Variants in CFAP95 observed in about 807,000 individuals in gnomAD.
The protein encoded by CFAP95 is cilia- and flagella-associated protein 95.
At chr9:69,827,537 T>G in the CFAP95 span, among the ~76,000 whole-genome samples, 11 of 152,290 alleles carry the variant, frequency 7.2e-5, no homozygotes, top group African/African-American at 2.6e-4. Context: ...CACCTTCTCC[T>G]TCCCCCACTA....
At chr9:69,871,211 C>A in the CFAP95 span, among the ~76,000 whole-genome samples, 244 of 151,876 alleles carry the variant, frequency 1.6e-3, 4 homozygotes, top group Middle Eastern at 6.8e-3. Context: ...GAGGGAGACT[C>A]TGTCTCAAAT....
the CFAP95 span, among the ~76,000 whole-genome samples, chr9:69,896,070 A>G: frequency 2.0e-5 from 3 of 152,242 alleles, no homozygotes; most frequent in African/African-American, 7.2e-5. Flanking sequence ...CAGTTTCTAC[A>G]GTGAACATAT....
the CFAP95 span, among the ~76,000 whole-genome samples, chr9:69,892,094 C>T: frequency 5.3e-5 from 8 of 152,128 alleles, no homozygotes; most frequent in Non-Finnish European, 8.8e-5. Context: ...ATATGCATAA[C>T]ATAAAATATA....
chr9:69,884,074 T>C, the CFAP95 span, among the ~76,000 whole-genome samples: 1 of 152,168 alleles, frequency 6.6e-6, no homozygotes, highest in Non-Finnish European at 1.5e-5. Flanking sequence ...ATCCTTTAAG[T>C]TTTGGTATGT....
At chr9:69,897,529 A>G in the CFAP95 span, among the ~76,000 whole-genome samples, 184 of 152,350 alleles carry the variant, frequency 1.2e-3, no homozygotes, top group African/African-American at 4.3e-3. Context: ...TTGAAAAATA[A>G]AACTATCAGA....
the CFAP95 span, among the ~76,000 whole-genome samples, chr9:69,873,526 G>A: frequency 0.037 from 5,561 of 152,242 alleles, 137 homozygotes; most frequent in East Asian, 0.095. Flanking sequence ...AATGCACCCC[G>A]TCACCTCAAC....
At chr9:69,894,880 G>A in the CFAP95 span, among the ~76,000 whole-genome samples, 2 of 152,052 alleles carry the variant, frequency 1.3e-5, no homozygotes, top group African/African-American at 4.8e-5. Flanking sequence ...TGGTCAACAT[G>A]GTGAAACACC....
chr9:69,872,766 A>G, the CFAP95 span, among the ~76,000 whole-genome samples: 1 of 152,106 alleles, frequency 6.6e-6, no homozygotes, highest in Non-Finnish European at 1.5e-5. Flanking sequence ...GGGAGGATCA[A>G]TTGAGCCTAG....
the CFAP95 span, among the ~76,000 whole-genome samples, chr9:69,867,579 T>A: frequency 2.0e-5 from 3 of 152,226 alleles, no homozygotes; most frequent in African/African-American, 7.2e-5. Context: ...AGGCTGAGGT[T>A]ATTTGCCTGC....
the CFAP95 span, among the ~76,000 whole-genome samples, chr9:69,861,749 A>AAAG: frequency 6.7e-6 from 1 of 148,346 alleles, no homozygotes; most frequent in Non-Finnish European, 1.5e-5. Context: ...AAAAAAAAAA[A>AAAG]AAAACACAAC....
the CFAP95 span, among the ~76,000 whole-genome samples, chr9:69,849,007 A>G: frequency 2.0e-5 from 3 of 152,170 alleles, no homozygotes; most frequent in East Asian, 1.9e-4. Flanking sequence ...GTACCTACTT[A>G]TAAGTCCCAC....
At chr9:69,882,312 A>G in the CFAP95 span, among the ~76,000 whole-genome samples, 35 of 152,280 alleles carry the variant, frequency 2.3e-4, 1 homozygote, top group South Asian at 7.1e-3. Flanking sequence ...GTGTCCTGCA[A>G]CTTTACTGAA....
At chr9:69,835,139 T>C in the CFAP95 span, among the ~76,000 whole-genome samples, 1 of 152,234 alleles carries the variant, frequency 6.6e-6, no homozygotes, top group Non-Finnish European at 1.5e-5. Context: ...ATAGGAAAGG[T>C]ATCTTTTGCT....
the CFAP95 span, among the ~76,000 whole-genome samples, chr9:69,901,430 CCCGG>C: frequency 6.6e-6 from 1 of 152,114 alleles, no homozygotes; most frequent in African/African-American, 2.4e-5. Flanking sequence ...AGCCACCGCG[CCCGG>C]CCGGTGTTTG....
chr9:69,875,348 T>A, the CFAP95 span, among the ~76,000 whole-genome samples: 1 of 152,194 alleles, frequency 6.6e-6, no homozygotes, highest in South Asian at 2.1e-4. Flanking sequence ...TAACTGAATG[T>A]TTTAATCTTT....
At chr9:69,882,082 A>G in the CFAP95 span, among the ~76,000 whole-genome samples, 1 of 151,594 alleles carries the variant, frequency 6.6e-6, no homozygotes, top group Non-Finnish European at 1.5e-5. Flanking sequence ...TCCCAAGTTC[A>G]AGCAATTCTC....
At chr9:69,857,771 TC>T in the CFAP95 span, 1 of 646,200 alleles carries the variant, frequency 1.5e-6, no homozygotes, top group East Asian at 2.9e-5. Context: ...CAGGCAATCC[TC>T]CCGTCTCGGC....
the CFAP95 span, among the ~76,000 whole-genome samples, chr9:69,839,764 C>T: frequency 2.6e-5 from 4 of 151,550 alleles, no homozygotes; most frequent in African/African-American, 9.7e-5. Context: ...AATACATGTA[C>T]ATATTCTGGA....
the CFAP95 span, among the ~76,000 whole-genome samples, chr9:69,852,592 T>C: frequency 1.3e-5 from 2 of 152,100 alleles, no homozygotes; most frequent in African/African-American, 2.4e-5. Flanking sequence ...GGGAACTTGA[T>C]GCACTGGGGT....
Sources: allele counts gnomAD v4.1 joint callset (sites outside exome capture counted in the v4.1 genomes callset), GRCh38; gene constraint gnomAD v4.1.1; transcripts MANE v1.5; gene names NCBI Gene and HGNC (gene_info 2026-07-23, HGNC 2026-07-21).